EHBP1L1: variants seen among roughly 807,000 people sequenced by gnomAD.
EHBP1L1 encodes the protein EH domain-binding protein 1-like protein 1.
Under a neutral mutation model 151.1 loss-of-function variants are expected in EHBP1L1, and 122 were observed. The observed-to-expected ratio is 0.81, with a 90% CI of 0.70 to 0.94. The LOEUF (loss-of-function observed/expected upper bound fraction) is 0.94. EHBP1L1 is among the 40% of genes least tolerant of loss of function. The pLI is 0.00. For synonymous variants in EHBP1L1, 878 were observed against 810.1 expected (o/e 1.08, Z -1.42); for missense variants, 1,941 against 1,959.8 (o/e 0.99, Z 0.18).
chr11:65,581,414 T>C (rs1197295115), intron 8 of EHBP1L1, 41 bp downstream of exon 8: 2 of 1,488,570 alleles, frequency 1.3e-6, no homozygotes, highest in East Asian at 2.4e-5. Context: ...TGCCCCCTGA[T>C]AGGAGCTGCA....
intron 9 of EHBP1L1, 137 bp downstream of exon 9, chr11:65,583,902 C>T: frequency 1.4e-6 from 2 of 1,420,408 alleles, no homozygotes; most frequent in East Asian, 5.0e-5. Context: ...GGAGCCCCCT[C>T]ATCCCCTCCT....
intron 11 of EHBP1L1, 193 bp from the exon 12 acceptor site, chr11:65,584,766 T>G (rs894387252): frequency 5.2e-6 from 5 of 958,768 alleles, no homozygotes; most frequent in African/African-American, 1.7e-5. Context: ...GGTAACGGGG[T>G]GGACGGTGTG....
Position 65,580,401 on chromosome 11 carries a change from G to A in EHBP1L1, c.556G>A (p.Asp186Asn). The change falls in exon 6 of 19, where the codon GAT (aspartate) becomes AAT (asparagine). Residue 186 changes from aspartate (D) to asparagine (N), a missense_variant. Transcript: ENST00000309295. ...SVKPSDVGNL[D>N]DFAESDEDEA... ...GAAGCCTAGTGATGTGGGCAACTTGGATGACTTTGCTGAGAGTGATGAAGA... is the reference window on the plus strand; with the variant it reads ...GAAGCCTAGTGATGTGGGCAACTTGAATGACTTTGCTGAGAGTGATGAAGA... 1 of 1,613,784 alleles carries A rather than the reference G, an allele frequency of 6.2e-7. No individual in the cohort carries two copies. The highest frequency in any genetic ancestry group is 8.5e-7 in the Non-Finnish European group (1 of 1,179,868).
chr11:65,587,391 G>T (rs1184137468), intron 12 of EHBP1L1, among the ~76,000 whole-genome samples: 1 of 151,718 alleles, frequency 6.6e-6, no homozygotes, highest in African/African-American at 2.4e-5. Flanking sequence ...AAAAAAAGAG[G>T]AATTTGAGTT....
In EHBP1L1 at chr11:65,582,584, G is replaced by A; in HGVS notation, c.1912G>A (p.Val638Met). 1 of 1,613,554 alleles carries A rather than the reference G, an allele frequency of 6.2e-7. No homozygotes were observed. Residue 638 changes from valine (V) to methionine (M), a missense_variant, in exon 9 of 19, where the codon GTG becomes ATG. Val to Met is a conservative substitution (Grantham distance 21, BLOSUM62 1). Coordinates refer to ENST00000309295, the MANE Select transcript of EHBP1L1 (RefSeq NM_001099409.3). ...CEGLETQETE[V>M]GVIETPGTET... ...GGGACTGGAGACCCAGGAAACAGAG[G>A]TGGGGGTCATAGAGACCCCAGGGAC...
chr11:65,583,120 T>G lies in EHBP1L1; in HGVS notation c.2448T>G (p.Thr816=). 6.2e-7 allele frequency: 1 copy of G among 1,612,934 alleles called. No homozygotes were observed. The highest frequency in any genetic ancestry group is 8.5e-7 in the Non-Finnish European group (1 of 1,179,684). The part of the protein sequence containing the change: ...VPEIATGTAE[T]EILGTQEIAS... ...AGATAGCGACTGGGACAGCAGAAAC[T>G]GAGATATTGGGGACCCAAGAGATAG... The change falls in exon 9 of 19, where the codon ACT becomes ACG. Residue 816 remains threonine, a synonymous_variant. Transcript: ENST00000309295.
intron 12 of EHBP1L1, 56 bp from the exon 13 acceptor site, chr11:65,589,695 C>T (rs1858157579): frequency 6.8e-7 from 1 of 1,477,820 alleles, no homozygotes; most frequent in Non-Finnish European, 9.0e-7. Context: ...TGGCTGGCCC[C>T]AGGCCCAGGC....
At chr11:65,584,114 C>A in intron 9 of EHBP1L1, 127 bp from the exon 10 acceptor site, 1 of 1,493,600 alleles carries the variant, frequency 6.7e-7, no homozygotes, top group Non-Finnish European at 8.8e-7. Context: ...AGGCTCTAGC[C>A]AGTGGTCTCT....
In EHBP1L1 at chr11:65,583,700, G is replaced by A; in HGVS notation, c.3028G>A (p.Ala1010Thr). The A allele has an allele frequency of 1.3e-6, 2 of 1,566,090 alleles. No individual in the cohort carries two copies. Among genetic ancestry groups the A allele is most frequent in the Non-Finnish European group, 1.7e-6 (2 of 1,156,600 alleles). ...PEAQVASGAGAGAPRASSPEK... is the reference protein window; with the variant it reads ...PEAQVASGAGTGAPRASSPEK... ...AGCACAGGTGGCCAGTGGGGCAGGG[G>A]CTGGGGCGCCCAGGGCCTCTTCCCC... The change falls in exon 9 of 19, where the codon GCT becomes ACT. Residue 1010 changes from alanine to threonine, a missense_variant. Physicochemically the swap from Ala to Thr is moderately conservative, Grantham distance 58 (BLOSUM62 0). Coordinates refer to ENST00000309295, the MANE Select transcript of EHBP1L1 (RefSeq NM_001099409.3).
chr11:65,585,615 T>G lies in EHBP1L1; in HGVS notation c.3933+24T>G. 1 of 1,544,864 alleles carries G rather than the reference T, an allele frequency of 6.5e-7. No homozygotes were observed. Among genetic ancestry groups the G allele is most frequent in the East Asian group, 2.4e-5 (1 of 41,364 alleles). ...CAGTGAGTGTCAAGGTCCTTCTTTC[T>G]TCCCCCGCCGCAGCGCGGGGTCCCG... On this transcript the variant is annotated intron_variant, in intron 12 of 18. Coordinates refer to ENST00000309295, the MANE Select transcript of EHBP1L1 (RefSeq NM_001099409.3). This position sits in a 1 kb window ranked among gnomAD's most constrained non-coding sequence, Gnocchi z 4.0.
intron 1 of EHBP1L1, among the ~76,000 whole-genome samples, chr11:65,577,213 A>C (rs1007042585): frequency 6.6e-6 from 1 of 152,034 alleles, no homozygotes; most frequent in African/African-American, 2.4e-5. Flanking sequence ...TGGCTGGATT[A>C]GGGCACAGCT....
Position 65,590,590 on chromosome 11 carries a change from G to A in EHBP1L1, c.4281G>A (p.Leu1427=). 6.2e-7 allele frequency: 1 copy of A among 1,613,162 alleles called. No individual in the cohort carries two copies. Residue 1427 remains leucine, a splice_region_variant and synonymous_variant, in exon 16 of 19, where the codon CTG becomes CTA. Coordinates refer to ENST00000309295, the MANE Select transcript of EHBP1L1 (RefSeq NM_001099409.3). The part of the protein sequence containing the change: ...ALIRRQDQLQ[L]LMEEQDLERR... ...TCCGGAGGCAGGACCAGCTGCAGCT[G>A]CTGTGAGTGCTGGCCCCGGGCCAGG... is the stretch of plus-strand genomic sequence containing the variant.
chr11:65,581,306 G>C lies in EHBP1L1; in HGVS notation c.799G>C (p.Ala267Pro). 2 of 1,611,470 alleles carry C rather than the reference G, an allele frequency of 1.2e-6. No homozygotes were observed. Among genetic ancestry groups the C allele is most frequent in the South Asian group, 1.1e-5 (1 of 90,998 alleles). The change falls in exon 8 of 19, where the codon GCT becomes CCT. Residue 267 changes from alanine (A) to proline (P), a missense_variant. Physicochemically the swap from Ala to Pro is conservative, Grantham distance 27 (BLOSUM62 -1). Coordinates refer to ENST00000309295, the MANE Select transcript of EHBP1L1 (RefSeq NM_001099409.3). ...CTCCCGAGGCCAGGGGTCAGAACGA[G>C]CTAATGAAGCGGGGGGCCAGGTAGG... ...RTSRGQGSER[A>P]NEAGGQVGPE...
At chr11:65,584,607 G>C in intron 11 of EHBP1L1, 73 bp downstream of exon 11, 1 of 1,559,626 alleles carries the variant, frequency 6.4e-7, no homozygotes, top group Middle Eastern at 1.7e-4. Context: ...CAGATTTGGA[G>C]AAAGTGGACT....
intron 12 of EHBP1L1, among the ~76,000 whole-genome samples, chr11:65,586,828 C>G (rs968177060): frequency 6.6e-6 from 1 of 152,246 alleles, no homozygotes; most frequent in East Asian, 1.9e-4. Flanking sequence ...GTCAGTGGCT[C>G]TTTAAATCTT....
At position 65,592,018 on chromosome 11, in the gene EHBP1L1, T is replaced by C. The variant is rs969955878; in HGVS notation, c.4400T>C (p.Leu1467Pro). 4 of 1,613,338 alleles carry C rather than the reference T, an allele frequency of 2.5e-6. No individual in the cohort carries two copies. The highest frequency in any genetic ancestry group is 2.2e-5 in the East Asian group (1 of 44,864). ...GCTCAGCAGCACCGAGAGCAGCTCCTACTGGAGGAGCTGGTGTCGCTGGTG... is the reference window on the plus strand; with the variant it reads ...GCTCAGCAGCACCGAGAGCAGCTCCCACTGGAGGAGCTGGTGTCGCTGGTG... ...TSAQQHREQL[L>P]LEELVSLVNQ... Residue 1467 changes from leucine to proline, a missense_variant, in exon 18 of 19, where the codon CTA becomes CCA. Transcript: ENST00000309295.
chr11:65,585,410 T>C lies in EHBP1L1; in HGVS notation c.3752T>C (p.Val1251Ala). ...GCGGGGGCACCGGGCGGCGGCGGCG[T>C]GAGGCTGCGACGGCCCTCGGTCAAC... ...NGAGAPGGGG[V>A]RLRRPSVNGE... is the part of the protein sequence containing the mutation. Residue 1251 changes from valine to alanine, a missense_variant, in exon 12 of 19, where the codon GTG becomes GCG. Physicochemically the swap from Val to Ala is moderately conservative, Grantham distance 64. Transcript: ENST00000309295. The surrounding 1 kb of genome is among the most constrained non-coding windows in gnomAD (Gnocchi z 4.0). The C allele has an allele frequency of 7.2e-7, 1 of 1,380,066 alleles. No homozygotes were observed. Among genetic ancestry groups the C allele is most frequent in the Non-Finnish European group, 9.3e-7 (1 of 1,074,370 alleles). 85.5% of individuals were successfully genotyped at this position (1,380,066 alleles called of 1,614,324 possible). A position where few individuals can be genotyped will look rare whatever the true frequency, so the allele number is the denominator to read the frequency against.
Position 65,582,557 on chromosome 11 carries a change from G to C in EHBP1L1, c.1885G>C (p.Glu629Gln), listed in dbSNP as rs1037126001. The change falls in exon 9 of 19, where the codon GAG (glutamate) becomes CAG (glutamine). Residue 629 changes from glutamate to glutamine, a missense_variant. By Grantham distance (29) the Glu-to-Gln change is conservative (BLOSUM62 2). Coordinates refer to ENST00000309295, the MANE Select transcript of EHBP1L1 (RefSeq NM_001099409.3). ...AGAGGTTGCTGGGACAGCACAGTGT[G>C]AGGGACTGGAGACCCAGGAAACAGA... is the stretch of plus-strand genomic sequence containing the variant. Reference protein sequence around the residue: ...ESEVAGTAQCEGLETQETEVG... With the variant: ...ESEVAGTAQCQGLETQETEVG... 3.1e-6 allele frequency: 5 copies of C among 1,613,424 alleles called. No homozygotes were observed. Among genetic ancestry groups the C allele is most frequent in the Non-Finnish European group, 4.2e-6 (5 of 1,179,832 alleles).
In EHBP1L1 at chr11:65,592,190, C is replaced by T. The variant is rs748952828; in HGVS notation, c.4473-13C>T. 12 of 1,579,660 alleles carry T rather than the reference C, an allele frequency of 7.6e-6. No homozygotes were observed. In the South Asian group the frequency reaches 1.0e-4, roughly 13 times the overall value. On this transcript the variant is annotated splice_polypyrimidine_tract_variant and intron_variant, in intron 18 of 18. Coordinates refer to ENST00000309295, the MANE Select transcript of EHBP1L1 (RefSeq NM_001099409.3). The stretch of plus-strand genomic sequence containing the variant: ...CGCCCAACGGAGCGCTGACTCGAAC[C>T]CGTTCTCCCCAGCGCCCTGGAGGAG...
Sources: allele counts gnomAD v4.1 joint callset (sites outside exome capture counted in the v4.1 genomes callset), GRCh38; gene constraint gnomAD v4.1.1; non-coding constraint Gnocchi (gnomAD v3.1); transcripts MANE v1.5; gene names NCBI Gene and HGNC (gene_info 2026-07-23, HGNC 2026-07-21).